Variants in EBF2 observed in about 807,000 individuals in gnomAD.
The protein encoded by EBF2 is transcription factor COE2.
Under a neutral mutation model 72.8 loss-of-function variants are expected in EBF2, and 21 were observed. That is an observed-to-expected ratio of 0.29 (90% CI 0.20 to 0.42). The LOEUF (loss-of-function observed/expected upper bound fraction) is 0.42, where lower values mean the gene tolerates loss of function less well. Ranked by LOEUF, EBF2 falls within the 10% of genes least tolerant of loss-of-function variation. The pLI is 1.00. For synonymous variants in EBF2, 299 were observed against 274.2 expected (o/e 1.09, Z -0.89); for missense variants, 637 against 731.2 (o/e 0.87, Z 1.49).
At chr8:26,040,751 G>T in intron 3 of EBF2, 80 bp from the exon 4 acceptor site, 1 of 1,520,880 alleles carries the variant, frequency 6.6e-7, no homozygotes, top group South Asian at 1.2e-5. Flanking sequence ...CCATGGGTCT[G>T]AGGCCCAAGC....
intron 15 of EBF2, 29 bp from the exon 16 acceptor site, chr8:25,844,669 G>T: frequency 6.2e-7 from 1 of 1,613,782 alleles, no homozygotes; most frequent in Non-Finnish European, 8.5e-7. Context: ...ACAGGAATGA[G>T]ACTTGGGGAC....
chr8:25,890,640 G>T (rs1297347487), intron 7 of EBF2, among the ~76,000 whole-genome samples: 1 of 152,182 alleles, frequency 6.6e-6, no homozygotes, highest in Admixed American at 6.5e-5. Context: ...GTGCTGAAAT[G>T]AGGTATAATG....
intron 6 of EBF2, among the ~76,000 whole-genome samples, chr8:25,935,310 G>A (rs541942337): frequency 1.3e-5 from 2 of 152,190 alleles, no homozygotes; most frequent in Non-Finnish European, 2.9e-5. Context: ...CCTTTAAATA[G>A]TGGTTAAATC....
At chr8:25,926,220 AT>A (rs1803383816) in intron 6 of EBF2, among the ~76,000 whole-genome samples, 1 of 152,040 alleles carries the variant, frequency 6.6e-6, no homozygotes, top group South Asian at 2.1e-4. Flanking sequence ...CTCTCGCCGT[AT>A]GGTGGCCTGG....
At chr8:25,967,745 C>T (rs1037947794) in intron 6 of EBF2, among the ~76,000 whole-genome samples, 8 of 152,164 alleles carry the variant, frequency 5.3e-5, no homozygotes, top group Admixed American at 5.2e-4. Context: ...AGTAGCAATT[C>T]AGACTGCAGC....
chr8:26,044,861 T>TA lies in EBF2; in HGVS notation c.-3dup. ...TAAAGTATCTTGAATTCCAAACATT[T>TA]AAAAAGTCTGATCCTCTACTGTCGC... On this transcript the variant is annotated 5_prime_UTR_variant, in exon 1 of 16. Transcript: ENST00000520164. This position sits in a 1 kb window ranked among gnomAD's most constrained non-coding sequence, Gnocchi z 4.1. 1 of 1,613,854 alleles carries TA rather than the reference T, an allele frequency of 6.2e-7. No homozygotes were observed.
intron 6 of EBF2, among the ~76,000 whole-genome samples, chr8:25,993,378 A>G (rs771480909): frequency 2.3e-4 from 35 of 152,226 alleles, no homozygotes; most frequent in Non-Finnish European, 8.8e-5. Flanking sequence ...GCCCCTATGC[A>G]GTTTCCCCTG....
Position 25,960,874 on chromosome 8 carries a change from CCT to C in EBF2, c.552-52321_552-52320del, listed in dbSNP as rs1195476378. ...TATCTTCCTTATCTCTTTCAATTCC[CCT>C]GTGTTAGACTGTTAAACCTGTGGGT... On this transcript the variant is annotated intron_variant, in intron 6 of 15. Transcript: ENST00000520164. Among the ~76,000 whole-genome samples the C allele has an allele frequency of 3.3e-5, 5 of 152,234 alleles. No individual in the cohort carries two copies. The East Asian group carries it at 9.6e-4, about 29-fold the overall frequency.
intron 6 of EBF2, among the ~76,000 whole-genome samples, chr8:25,936,577 T>G (rs899349690): frequency 6.6e-6 from 1 of 152,204 alleles, no homozygotes; most frequent in African/African-American, 2.4e-5. Context: ...AAGTTGAGTA[T>G]TAGTCTGTAC....
chr8:26,009,739 A>G (rs1468846909), intron 6 of EBF2, among the ~76,000 whole-genome samples: 1 of 152,252 alleles, frequency 6.6e-6, no homozygotes, highest in Non-Finnish European at 1.5e-5. Flanking sequence ...GAAGAGCTGA[A>G]CAAGTTAAAT....
chr8:25,970,148 C>A (rs893899691), intron 6 of EBF2, among the ~76,000 whole-genome samples: 3 of 152,130 alleles, frequency 2.0e-5, no homozygotes, highest in Admixed American at 6.5e-5. Context: ...CCTTCTGACC[C>A]AGAGAGGCAG....
intron 3 of EBF2, 123 bp downstream of exon 3, chr8:26,040,816 A>G: frequency 1.3e-6 from 2 of 1,501,446 alleles, no homozygotes; most frequent in South Asian, 2.4e-5. Flanking sequence ...CCCCTGTCCC[A>G]GGCAAGCCTC....
intron 15 of EBF2, 80 bp from the exon 16 acceptor site, chr8:25,844,720 G>T: frequency 1.3e-6 from 2 of 1,534,592 alleles, no homozygotes; most frequent in Non-Finnish European, 1.8e-6. Context: ...AGGGGCAGGG[G>T]ATGGGAATGA....
chr8:25,958,053 A>G lies in EBF2; in HGVS notation c.552-49498T>C, dbSNP rs532592333. ...GCAAGGGGTCAGATCTCTTTGCTGCATGTCTTCTCATGAGCCTCCCAGACA... is the reference window on the plus strand; with the variant it reads ...GCAAGGGGTCAGATCTCTTTGCTGCGTGTCTTCTCATGAGCCTCCCAGACA... On this transcript the variant is annotated intron_variant, in intron 6 of 15. Transcript: ENST00000520164. 1.7e-3 allele frequency among the ~76,000 whole-genome samples: 264 copies of G among 152,280 alleles called. 3 individuals carry two copies. Among genetic ancestry groups the G allele is most frequent in the African/African-American group, 6.2e-3 (259 of 41,572 alleles).
At chr8:25,906,761 C>A (rs1407949249) in intron 7 of EBF2, among the ~76,000 whole-genome samples, 1 of 130,048 alleles carries the variant, frequency 7.7e-6, no homozygotes, top group Non-Finnish European at 1.6e-5. Context: ...AGCGAGACTC[C>A]ATCTCAAAAC....
chr8:25,941,656 G>A (rs1312721132), intron 6 of EBF2, among the ~76,000 whole-genome samples: 1 of 152,136 alleles, frequency 6.6e-6, no homozygotes, highest in African/African-American at 2.4e-5. Context: ...TGTGCCCTAA[G>A]CTACGGAGGA....
chr8:25,958,991 C>T (rs1033690150), intron 6 of EBF2, among the ~76,000 whole-genome samples: 24 of 152,156 alleles, frequency 1.6e-4, no homozygotes, highest in African/African-American at 5.3e-4. Context: ...GCTGTCAGGA[C>T]GAGGGCTTTG....
intron 7 of EBF2, among the ~76,000 whole-genome samples, chr8:25,894,042 AG>A (rs1279434183): frequency 1.3e-5 from 2 of 152,210 alleles, no homozygotes; most frequent in Admixed American, 6.5e-5. Context: ...GGCAAGTTCC[AG>A]GTTTTAATAT....
At chr8:25,890,148 C>T (rs1009685390) in intron 7 of EBF2, among the ~76,000 whole-genome samples, 8 of 152,310 alleles carry the variant, frequency 5.3e-5, no homozygotes, top group African/African-American at 1.9e-4. Context: ...GTTCCAGAAA[C>T]CTGGTTCTCT....
Sources: allele counts gnomAD v4.1 joint callset (sites outside exome capture counted in the v4.1 genomes callset), GRCh38; gene constraint gnomAD v4.1.1; non-coding constraint Gnocchi (gnomAD v3.1); transcripts MANE v1.5; gene names NCBI Gene and HGNC (gene_info 2026-07-23, HGNC 2026-07-21).